The following PLBD2 variants were observed in gnomAD, a reference collection of about 807,000 sequenced individuals.
The protein encoded by PLBD2 is phospholipase B domain containing 2.
In PLBD2, 51 loss-of-function variants were observed where a neutral mutation model predicts 68.3. That is an observed-to-expected ratio of 0.75 (90% CI 0.60 to 0.94). The LOEUF is 0.94. Among genes scored for constraint, PLBD2 ranks in the 40% least tolerant of loss-of-function variants. The probability of loss-of-function intolerance (pLI) is 0.00; values close to 1 mark genes in which losing one functional copy is unlikely to be tolerated. For synonymous variants in PLBD2, 314 were observed against 339.3 expected, an observed-to-expected ratio of 0.93 and a Z score of 0.82; for missense variants, 729 against 792.2, an observed-to-expected ratio of 0.92 and a Z score of 0.96.
At chr12:113,383,030 G>T (rs1957511357) in intron 6 of PLBD2, among the ~76,000 whole-genome samples, 2 of 151,892 alleles carry the variant, frequency 1.3e-5, no homozygotes, top group East Asian at 1.9e-4. Flanking sequence ...TGTTTGGTTT[G>T]GTTTTTAACT....
chr12:113,369,730 A>G (rs1393013360), intron 2 of PLBD2, among the ~76,000 whole-genome samples: 3 of 152,168 alleles, frequency 2.0e-5, no homozygotes, highest in Non-Finnish European at 2.9e-5. Context: ...AGAATAAGCA[A>G]ATCTACAGAG....
chr12:113,361,330 TTTTTTTTTTTG>T (rs931696823), intron 1 of PLBD2, among the ~76,000 whole-genome samples: 6 of 150,202 alleles, frequency 4.0e-5, no homozygotes, highest in South Asian at 2.1e-4. Flanking sequence ...AAAAAAGGTT[TTTTTTTTTTTG>T]TTTTTTTTTT....
intron 8 of PLBD2, 32 bp from the exon 9 acceptor site, chr12:113,385,180 C>CACCT: frequency 6.2e-7 from 1 of 1,609,490 alleles, no homozygotes; most frequent in South Asian, 1.1e-5. Context: ...CTTTTCTGAT[C>CACCT]ACCTCCACCC....
chr12:113,358,776 C>T lies in PLBD2; in HGVS notation c.176C>T (p.Ser59Phe). The change falls in exon 1 of 12, where the codon TCC (serine) becomes TTC (phenylalanine). Residue 59 changes from serine (S) to phenylalanine (F), a missense_variant. Ser to Phe is a radical substitution (Grantham distance 155). Transcript: ENST00000280800. ...WARDGQVPPA[S>F]RSRSVLLDVS... Reference sequence around the variant, plus strand: ...CGCGATGGGCAGGTCCCTCCAGCCTCCCGCAGCCGCTCGGTGCTCCTGGAC... The same window carrying T: ...CGCGATGGGCAGGTCCCTCCAGCCTTCCGCAGCCGCTCGGTGCTCCTGGAC... 6.9e-7 allele frequency: 1 copy of T among 1,449,984 alleles called. No homozygotes were observed. Among genetic ancestry groups the T allele is most frequent in the East Asian group, 3.0e-5 (1 of 33,208 alleles). 89.8% of individuals were successfully genotyped at this position (1,449,984 alleles called of 1,614,324 possible). A position where few individuals can be genotyped will look rare whatever the true frequency, so the allele number is the denominator to read the frequency against.
At chr12:113,367,202 A>G (rs1264550892) in intron 1 of PLBD2, among the ~76,000 whole-genome samples, 2 of 152,232 alleles carry the variant, frequency 1.3e-5, no homozygotes, top group Non-Finnish European at 2.9e-5. Flanking sequence ...CAATAGAGAA[A>G]AATGGATAAA....
At chr12:113,373,664 TCATTTACCCACC>T (rs1463192161) in intron 3 of PLBD2, among the ~76,000 whole-genome samples, 2 of 147,660 alleles carry the variant, frequency 1.4e-5, no homozygotes, top group African/African-American at 2.5e-5. Flanking sequence ...ATCCATCCGT[TCATTTACCCACC>T]CATTTACCCA....
chr12:113,385,140 C>T, intron 8 of PLBD2, 72 bp from the exon 9 acceptor site: 1 of 1,533,408 alleles, frequency 6.5e-7, no homozygotes, highest in Non-Finnish European at 9.0e-7. Flanking sequence ...CATCGGGGCT[C>T]CCCGAGCAGG....
At chr12:113,367,620 C>T (rs931859412) in intron 1 of PLBD2, among the ~76,000 whole-genome samples, 2 of 151,708 alleles carry the variant, frequency 1.3e-5, no homozygotes, top group Admixed American at 6.6e-5. Context: ...TGTGGTGGCA[C>T]ATGCCTGTAG....
chr12:113,374,544 G>A lies in PLBD2; in HGVS notation c.614G>A (p.Gly205Glu), dbSNP rs910940553. The A allele has an allele frequency of 3.1e-6, 5 of 1,604,590 alleles. No individual in the cohort carries two copies. In the Admixed American group the frequency reaches 8.5e-5, roughly 27 times the overall value. ...SYEGRVSFPA[G>E]KFTIKPLGFL... ...GAAGGCCGTGTGAGCTTCCCAGCTG[G>A]GAAGTTCACCATCAAACCCTTGGGG... The change falls in exon 4 of 12, where the codon GGG (glycine) becomes GAG (glutamate). Residue 205 changes from glycine (G) to glutamate (E), a missense_variant. Coordinates refer to ENST00000280800, the MANE Select transcript of PLBD2 (RefSeq NM_173542.4).
At chr12:113,367,437 G>A (rs1197592283) in intron 1 of PLBD2, among the ~76,000 whole-genome samples, 1 of 152,148 alleles carries the variant, frequency 6.6e-6, no homozygotes, top group Admixed American at 6.5e-5. Context: ...GGCAGTGTTG[G>A]CATTACCTGG....
rs752521653 is a variant in PLBD2 at position 113,387,094 on chromosome 12, G to A, written c.1439+5G>A. The stretch of plus-strand genomic sequence containing the variant: ...CTCCATGGTCAGGCTGATGAGGTAG[G>A]TGCCAGTTGGGTGGTGGGTTGGGGA... On this transcript the variant is annotated splice_donor_5th_base_variant and intron_variant, in intron 10 of 11. Coordinates refer to ENST00000280800, the MANE Select transcript of PLBD2 (RefSeq NM_173542.4). 1.3e-6 allele frequency: 2 copies of A among 1,572,762 alleles called. No individual in the cohort carries two copies. Among genetic ancestry groups the A allele is most frequent in the South Asian group, 2.3e-5 (2 of 85,772 alleles).
rs765068887 is a variant in PLBD2, at chr12:113,384,143, C to T, written c.996C>T (p.Ala332=). 1.5e-5 allele frequency: 25 copies of T among 1,613,398 alleles called. No homozygotes were observed. The highest frequency in any genetic ancestry group is 1.9e-5 in the Non-Finnish European group (23 of 1,179,678). Residue 332 remains alanine, a synonymous_variant, in exon 7 of 12, where the codon GCC becomes GCT. Coordinates refer to ENST00000280800, the MANE Select transcript of PLBD2 (RefSeq NM_173542.4). This position sits in a 1 kb window ranked among gnomAD's most constrained non-coding sequence, Gnocchi z 4.2. Reference sequence around the variant, plus strand: ...CCACCATTGGCAACAAGAACCCAGCCCTGTGGAAGTATGTGCGGCCCAGGG... The same window carrying T: ...CCACCATTGGCAACAAGAACCCAGCTCTGTGGAAGTATGTGCGGCCCAGGG... ...LETTIGNKNP[A]LWKYVRPRGC...
intron 11 of PLBD2, 109 bp from the exon 12 acceptor site, chr12:113,388,349 AG>A: frequency 9.0e-7 from 1 of 1,105,898 alleles, no homozygotes. Flanking sequence ...AAAAAAAAAA[AG>A]TGACAGTTCA....
chr12:113,384,392 C>A lies in PLBD2; in HGVS notation c.1118+127C>A. Reference sequence around the variant, plus strand: ...ACACACCCCACGCCCTCCTTTGTTTCATACATGGGGAGACTGAGGCTAGGG... The same window carrying A: ...ACACACCCCACGCCCTCCTTTGTTTAATACATGGGGAGACTGAGGCTAGGG... On this transcript the variant is annotated intron_variant, in intron 7 of 11. Transcript: ENST00000280800. The surrounding 1 kb of genome is among the most constrained non-coding windows in gnomAD (Gnocchi z 4.2). 1 of 1,225,870 alleles carries A rather than the reference C, an allele frequency of 8.2e-7. No homozygotes were observed. The highest frequency in any genetic ancestry group is 1.1e-6 in the Non-Finnish European group (1 of 896,178). The allele number at this position is 1,225,870 out of a possible 1,614,324, so 75.9% of individuals were successfully genotyped here.
At chr12:113,379,906 C>CA (rs1484902795) in intron 5 of PLBD2, among the ~76,000 whole-genome samples, 9 of 152,210 alleles carry the variant, frequency 5.9e-5, no homozygotes, top group African/African-American at 2.2e-4. Flanking sequence ...CCCACGCACA[C>CA]ACAGAGTTGT....
chr12:113,374,749 TCA>T, intron 4 of PLBD2, 42 bp from the exon 5 acceptor site: 1 of 1,603,350 alleles, frequency 6.2e-7, no homozygotes. Context: ...ATAACAGCAC[TCA>T]CAGCAGGCGT....
Position 113,388,683 on chromosome 12 carries a change from C to T in PLBD2, c.*57C>T, listed in dbSNP as rs879188541. The T allele has an allele frequency of 2.6e-4, 390 of 1,489,446 alleles. 1 individual carries two copies. The highest frequency in any genetic ancestry group is 1.2e-3 in the South Asian group (88 of 72,900). The allele number at this position is 1,489,446 out of a possible 1,614,324, so 92.3% of individuals were successfully genotyped here. A position where few individuals can be genotyped will look rare whatever the true frequency, so the allele number is the denominator to read the frequency against. On this transcript the variant is annotated 3_prime_UTR_variant, in exon 12 of 12. Coordinates refer to ENST00000280800, the MANE Select transcript of PLBD2 (RefSeq NM_173542.4). ...TGCTGACCCTCGTCAGGGTCACCCC[C>T]GTCCCAAGGCCACCGGACTTCTAAC...
rs1957535532 is a variant in PLBD2, at chr12:113,384,932, C to T, written c.1200C>T (p.Ile400=). The T allele has an allele frequency of 6.2e-7, 1 of 1,613,474 alleles. No individual in the cohort carries two copies. Residue 400 remains isoleucine, a synonymous_variant, in exon 8 of 12, where the codon ATC becomes ATT. Coordinates refer to ENST00000280800, the MANE Select transcript of PLBD2 (RefSeq NM_173542.4). The surrounding 1 kb of genome is among the most constrained non-coding windows in gnomAD (Gnocchi z 4.2). ...GPSPGSRVLT[I]LEQIPGMVVV... ...GCCCCGGGAGCCGGGTGCTTACCAT[C>T]CTGGAGCAGATCCCGTGCGTACCCT...
At chr12:113,365,555 C>T (rs1376350869) in intron 1 of PLBD2, among the ~76,000 whole-genome samples, 1 of 152,172 alleles carries the variant, frequency 6.6e-6, no homozygotes, top group Middle Eastern at 3.4e-3. Context: ...CTCAAGTGAT[C>T]GCCCTCCTCA....
Sources: gnomAD v4.1 joint callset for allele counts (sites outside exome capture counted in the v4.1 genomes callset) on GRCh38, gnomAD v4.1.1 for gene constraint, Gnocchi (gnomAD v3.1) non-coding constraint, MANE v1.5 for transcripts, NCBI Gene and HGNC (gene_info 2026-07-23, HGNC 2026-07-21) for gene names.